NEGR1: variants seen among roughly 807,000 people sequenced by gnomAD.
The protein encoded by NEGR1 is IgLON family member 4.
Under a neutral mutation model 40.9 loss-of-function variants are expected in NEGR1, and 10 were observed. The observed-to-expected ratio is 0.24, with a 90% CI of 0.15 to 0.42. NEGR1 has a LOEUF of 0.42. NEGR1 is among the 10% of genes least tolerant of loss of function. NEGR1 has a pLI of 1.00. For missense variants in NEGR1, 352 were observed against 438.9 expected, an observed-to-expected ratio of 0.80 and a Z score of 1.77; for synonymous variants, 185 against 166.8, an observed-to-expected ratio of 1.11 and a Z score of -0.84.
In NEGR1 at chr1:72,170,503, A is replaced by G. The variant is rs189329200; in HGVS notation, c.176+111816T>C. On this transcript the variant is annotated intron_variant, in intron 1 of 6. Coordinates refer to ENST00000357731, the MANE Select transcript of NEGR1 (RefSeq NM_173808.3). Reference sequence around the variant, plus strand: ...GATAGGTATTCAAAATGGAATCTGGAATGAGCAGCTAAATGTAAGCTTTAT... The same window carrying G: ...GATAGGTATTCAAAATGGAATCTGGGATGAGCAGCTAAATGTAAGCTTTAT... Among the ~76,000 whole-genome samples the G allele has an allele frequency of 3.5e-3, 540 of 152,284 alleles. 2 individuals carry two copies. Among genetic ancestry groups the G allele is most frequent in the Middle Eastern group, 0.01 (3 of 294 alleles).
intron 1 of NEGR1, among the ~76,000 whole-genome samples, chr1:72,081,796 T>C (rs923987873): frequency 6.6e-6 from 1 of 152,094 alleles, no homozygotes; most frequent in Admixed American, 6.6e-5. Context: ...CCTATCCTAC[T>C]GCCTTCTCCC....
intron 1 of NEGR1, among the ~76,000 whole-genome samples, chr1:72,152,964 G>A (rs1291863996): frequency 6.6e-6 from 1 of 151,798 alleles, no homozygotes. Flanking sequence ...GGAAACAATA[G>A]ACACTGGAGA....
Position 71,559,009 on chromosome 1 carries a change from C to CTGTGTGTGTG in NEGR1, c.940+33798_940+33807dup, listed in dbSNP as rs573407911. ...ATTTATGTTTATTTATTTATCTTCT[C>CTGTGTGTGTG]TGTGTGTGTGTATATATATATATAT... On this transcript the variant is annotated intron_variant, in intron 6 of 6. Transcript: ENST00000357731. Among the ~76,000 whole-genome samples, 470 of 120,024 alleles carry CTGTGTGTGTG rather than the reference C, an allele frequency of 3.9e-3. 6 individuals are homozygous for CTGTGTGTGTG. Among genetic ancestry groups the CTGTGTGTGTG allele is most frequent in the African/African-American group, 0.014 (456 of 33,214 alleles). 78.7% of individuals were successfully genotyped at this position (120,024 alleles called of 152,430 possible). A position where few individuals can be genotyped will look rare whatever the true frequency, so the allele number is the denominator to read the frequency against.
rs1374467931 is a variant in NEGR1, at chr1:71,403,395, T to A, written c.*4051A>T. 3 of 152,116 alleles carry A rather than the reference T, an allele frequency of 2.0e-5. No individual in the cohort carries two copies. Among genetic ancestry groups the A allele is most frequent in the Non-Finnish European group, 4.4e-5 (3 of 67,958 alleles). 9.4% of individuals were successfully genotyped at this position (152,116 alleles called of 1,614,324 possible). A position where few individuals can be genotyped will look rare whatever the true frequency, so the allele number is the denominator to read the frequency against. ...GTTTAGCCTGTAAGATCATCAGGAT[T>A]TTATCAACAGGATATTTAGTCTCTG... On this transcript the variant is annotated 3_prime_UTR_variant, in exon 7 of 7. Coordinates refer to ENST00000357731, the MANE Select transcript of NEGR1 (RefSeq NM_173808.3).
chr1:72,033,190 C>T (rs1411371088), intron 1 of NEGR1, among the ~76,000 whole-genome samples: 1 of 151,996 alleles, frequency 6.6e-6, no homozygotes. Flanking sequence ...TTTACTTAAG[C>T]AACTATAAAA....
At position 72,174,118 on chromosome 1, in the gene NEGR1, T is replaced by C. The variant is rs183783866; in HGVS notation, c.176+108201A>G. On this transcript the variant is annotated intron_variant, in intron 1 of 6. Coordinates refer to ENST00000357731, the MANE Select transcript of NEGR1 (RefSeq NM_173808.3). ...AAAAAACTGTCAATTTTATTTATGCTTTTAAATTTACTGGTATGAAGATGT... is the reference window on the plus strand; with the variant it reads ...AAAAAACTGTCAATTTTATTTATGCCTTTAAATTTACTGGTATGAAGATGT... Among the ~76,000 whole-genome samples the C allele has an allele frequency of 3.5e-3, 527 of 152,306 alleles. 4 individuals are homozygous for C. The highest frequency in any genetic ancestry group is 0.012 in the African/African-American group (510 of 41,570).
At chr1:72,249,844 T>C (rs997135749) in intron 1 of NEGR1, among the ~76,000 whole-genome samples, 1 of 152,188 alleles carries the variant, frequency 6.6e-6, no homozygotes, top group Non-Finnish European at 1.5e-5. Flanking sequence ...TCTCAACGAA[T>C]ATAAAGCAAC....
chr1:71,725,134 T>A (rs1654629795), intron 3 of NEGR1, among the ~76,000 whole-genome samples: 2 of 152,174 alleles, frequency 1.3e-5, no homozygotes, highest in Admixed American at 1.3e-4. Context: ...ATTATATTAC[T>A]CTTTGGCTAG....
chr1:71,592,857 G>C lies in NEGR1; in HGVS notation c.900C>G (p.Ala300=). The part of the protein sequence containing the change: ...EHFGNYTCVA[A]NKLGTTNASL... ...TCGCATTGGTTGTGCCTAGCTTGTTGGCAGCCACACAGGTATAATTGCCGA... is the reference window on the plus strand; with the variant it reads ...TCGCATTGGTTGTGCCTAGCTTGTTCGCAGCCACACAGGTATAATTGCCGA... Residue 300 remains alanine, a synonymous_variant, in exon 6 of 7, where the codon GCC becomes GCG. Transcript: ENST00000357731. 6.2e-7 allele frequency: 1 copy of C among 1,613,356 alleles called. No individual in the cohort carries two copies. The highest frequency in any genetic ancestry group is 8.5e-7 in the Non-Finnish European group (1 of 1,179,448).
chr1:72,235,370 A>G (rs2100504911), intron 1 of NEGR1, among the ~76,000 whole-genome samples: 1 of 152,158 alleles, frequency 6.6e-6, no homozygotes, highest in South Asian at 2.1e-4. Flanking sequence ...ACAGTAAGAA[A>G]TCAGGCAATG....
chr1:71,940,548 C>T (rs570837419), intron 1 of NEGR1, among the ~76,000 whole-genome samples: 51 of 152,056 alleles, frequency 3.4e-4, no homozygotes, highest in African/African-American at 1.2e-3. Context: ...TTATATAAAC[C>T]CAGGCTAACA....
At chr1:71,925,312 C>T (rs1308587322) in intron 2 of NEGR1, among the ~76,000 whole-genome samples, 1 of 152,162 alleles carries the variant, frequency 6.6e-6, no homozygotes, top group Non-Finnish European at 1.5e-5. Context: ...TGCAAACCTG[C>T]AAATGCGGGC....
chr1:71,581,240 A>C lies in NEGR1; in HGVS notation c.940+11577T>G, dbSNP rs527622992. Among the ~76,000 whole-genome samples the C allele has an allele frequency of 1.1e-4, 17 of 152,220 alleles. No homozygotes were observed. The South Asian group carries it at 3.5e-3, about 32-fold the overall frequency. On this transcript the variant is annotated intron_variant, in intron 6 of 6. Transcript: ENST00000357731. ...CATGGTGGGAATGTTTATACCATGG[A>C]AACCGGCAAATGGTCCAAGTTACAG...
At chr1:71,434,069 A>G (rs1441606509) in intron 6 of NEGR1, among the ~76,000 whole-genome samples, 2 of 152,222 alleles carry the variant, frequency 1.3e-5, no homozygotes, top group Non-Finnish European at 2.9e-5. Context: ...GGTTAGAATT[A>G]TGTGGGTCCA....
chr1:71,559,868 G>T (rs1648385119), intron 6 of NEGR1, among the ~76,000 whole-genome samples: 1 of 150,838 alleles, frequency 6.6e-6, no homozygotes, highest in Non-Finnish European at 1.5e-5. Flanking sequence ...AATTCCAAAT[G>T]CTATGCGTAT....
chr1:72,187,519 T>G (rs930384357), intron 1 of NEGR1, among the ~76,000 whole-genome samples: 2 of 151,484 alleles, frequency 1.3e-5, no homozygotes, highest in Non-Finnish European at 3.0e-5. Flanking sequence ...GCTGTTTTCC[T>G]GGGCTCAGCC....
intron 2 of NEGR1, among the ~76,000 whole-genome samples, chr1:71,884,133 A>T (rs1268498696): frequency 6.6e-6 from 1 of 152,168 alleles, no homozygotes; most frequent in African/African-American, 2.4e-5. Context: ...AAAGCAGTTC[A>T]GCTCATTCCC....
At chr1:71,886,916 T>C (rs1256008262) in intron 2 of NEGR1, among the ~76,000 whole-genome samples, 1 of 152,136 alleles carries the variant, frequency 6.6e-6, no homozygotes, top group Non-Finnish European at 1.5e-5. Flanking sequence ...GTGCAAAATA[T>C]AATTGACCCT....
At position 72,037,166 on chromosome 1, in the gene NEGR1, T is replaced by C. The variant is rs533271981; in HGVS notation, c.177-101855A>G. ...TTTTCTTCTTCCTTTGATTTTTAAG[T>C]ATAAAATTTAGGAAACAGTGAGACT... On this transcript the variant is annotated intron_variant, in intron 1 of 6. Coordinates refer to ENST00000357731, the MANE Select transcript of NEGR1 (RefSeq NM_173808.3). 3.0e-4 allele frequency among the ~76,000 whole-genome samples: 45 copies of C among 152,266 alleles called. No homozygotes were observed. In the South Asian group the frequency reaches 3.7e-3, roughly 13 times the overall value.
Sources: allele counts gnomAD v4.1 joint callset (sites outside exome capture counted in the v4.1 genomes callset), GRCh38; gene constraint gnomAD v4.1.1; transcripts MANE v1.5; gene names NCBI Gene and HGNC (gene_info 2026-07-23, HGNC 2026-07-21).